CLIC6: variants seen among roughly 807,000 people sequenced by gnomAD.
The protein encoded by CLIC6 is chloride intracellular channel protein 6.
CLIC6 carries 39 observed loss-of-function variants against 49.2 expected under a neutral mutation model. The ratio of observed to expected loss-of-function variants is 0.79; its 90% CI spans 0.61 to 1.04. The LOEUF is 1.04. Among genes scored for constraint, CLIC6 ranks in the 50% least tolerant of loss-of-function variants. The pLI, the probability that CLIC6 is intolerant of heterozygous loss-of-function variation, is 0.00. For missense variants in CLIC6, 988 were observed against 993.1 expected (o/e 0.99, Z 0.07); for synonymous variants, 446 against 433.4 (o/e 1.03, Z -0.36).
chr21:34,690,746 ATTACATGAAG>A (rs1989976914), intron 1 of CLIC6, among the ~76,000 whole-genome samples: 2 of 151,558 alleles, frequency 1.3e-5, no homozygotes, highest in African/African-American at 4.8e-5. Flanking sequence ...TTTATGGACA[ATTACATGAAG>A]CTGATTTCAG....
intron 3 of CLIC6, 21 bp downstream of exon 3, chr21:34,708,090 G>T: frequency 6.2e-7 from 1 of 1,613,836 alleles, no homozygotes; most frequent in Non-Finnish European, 8.5e-7. Context: ...GAAAACCAGT[G>T]TTCATAACTT....
At chr21:34,675,461 T>C (rs1358205524) in intron 1 of CLIC6, among the ~76,000 whole-genome samples, 1 of 152,156 alleles carries the variant, frequency 6.6e-6, no homozygotes, top group Non-Finnish European at 1.5e-5. Context: ...TTCACAACTA[T>C]GTGTTCTGAA....
intron 1 of CLIC6, among the ~76,000 whole-genome samples, chr21:34,689,400 G>T (rs1465473661): frequency 6.6e-6 from 1 of 152,218 alleles, no homozygotes; most frequent in African/African-American, 2.4e-5. Flanking sequence ...TTCCTTTGGG[G>T]ATTGGGAGGT....
At chr21:34,684,901 A>T (rs1007664595) in intron 1 of CLIC6, among the ~76,000 whole-genome samples, 1 of 152,238 alleles carries the variant, frequency 6.6e-6, no homozygotes, top group Admixed American at 6.5e-5. Context: ...AGTGCTGATG[A>T]AGTGGCTGTC....
At position 34,704,451 on chromosome 21, in the gene CLIC6, G is replaced by A. The variant is rs140973094; in HGVS notation, c.1375-2829G>A. ...AGGCAATACTGGATATGTAAATTCTGTTTTATTGGCAGTCACTGCTGCTGG... is the reference window on the plus strand; with the variant it reads ...AGGCAATACTGGATATGTAAATTCTATTTTATTGGCAGTCACTGCTGCTGG... On this transcript the variant is annotated intron_variant, in intron 1 of 5. Transcript: ENST00000349499. Among the ~76,000 whole-genome samples, 99 of 152,310 alleles carry A rather than the reference G, an allele frequency of 6.5e-4. 1 individual carries two copies. Among genetic ancestry groups the A allele is most frequent in the Non-Finnish European group, 1.1e-3 (78 of 68,026 alleles).
chr21:34,699,411 C>G (rs1169031984), intron 1 of CLIC6, among the ~76,000 whole-genome samples: 1 of 136,854 alleles, frequency 7.3e-6, no homozygotes, highest in Non-Finnish European at 1.5e-5. Flanking sequence ...GTCACCATAC[C>G]TGGCTTTTTT....
intron 1 of CLIC6, among the ~76,000 whole-genome samples, chr21:34,700,425 C>G (rs1256235690): frequency 3.5e-5 from 4 of 115,864 alleles, no homozygotes; most frequent in Admixed American, 1.8e-4. Context: ...CCAGCCTGGG[C>G]GACAGAGCGA....
At chr21:34,704,203 A>G (rs1355813259) in intron 1 of CLIC6, among the ~76,000 whole-genome samples, 4 of 152,208 alleles carry the variant, frequency 2.6e-5, no homozygotes, top group Non-Finnish European at 5.9e-5. Context: ...TTGTCGGGCT[A>G]ATGAATATGA....
At chr21:34,711,452 A>T (rs2056055925) in intron 5 of CLIC6, among the ~76,000 whole-genome samples, 1 of 152,072 alleles carries the variant, frequency 6.6e-6, no homozygotes, top group Admixed American at 6.6e-5. Flanking sequence ...GAATCATTTG[A>T]ACCCAGGAGG....
intron 5 of CLIC6, among the ~76,000 whole-genome samples, chr21:34,711,614 T>G (rs1219016890): frequency 6.6e-6 from 1 of 152,182 alleles, no homozygotes; most frequent in Non-Finnish European, 1.5e-5. Flanking sequence ...GAGGCTCCTG[T>G]GGGCTCCCGG....
intron 1 of CLIC6, among the ~76,000 whole-genome samples, chr21:34,684,035 T>C (rs1033524904): frequency 1.3e-5 from 2 of 152,150 alleles, no homozygotes; most frequent in African/African-American, 4.8e-5. Context: ...TCTCTTCTTT[T>C]AATAGTATAT....
intron 5 of CLIC6, among the ~76,000 whole-genome samples, chr21:34,715,775 C>T (rs2056082110): frequency 6.6e-6 from 1 of 152,254 alleles, no homozygotes; most frequent in East Asian, 1.9e-4. Flanking sequence ...TTTGCATCTG[C>T]TTTGTTCATG....
At chr21:34,711,096 C>T (rs1306722098) in intron 5 of CLIC6, among the ~76,000 whole-genome samples, 3 of 152,216 alleles carry the variant, frequency 2.0e-5, no homozygotes, top group Non-Finnish European at 4.4e-5. Context: ...CCATGCCTGG[C>T]TCTGGGGCAT....
chr21:34,706,011 T>C (rs2056011968), intron 1 of CLIC6: 2 of 678,218 alleles, frequency 2.9e-6, no homozygotes, highest in Admixed American at 2.1e-5. Flanking sequence ...TTAACATTCT[T>C]TTCTTTTGTA....
intron 1 of CLIC6, among the ~76,000 whole-genome samples, chr21:34,692,662 A>G (rs1040617670): frequency 1.3e-5 from 2 of 152,250 alleles, no homozygotes; most frequent in Admixed American, 6.5e-5. Flanking sequence ...AGTTTCATAT[A>G]TTGGTCATTG....
At position 34,699,847 on chromosome 21, in the gene CLIC6, G is replaced by T. The variant is rs139435643; in HGVS notation, c.1375-7433G>T. 1.5e-3 allele frequency among the ~76,000 whole-genome samples: 224 copies of T among 152,342 alleles called. 1 individual carries two copies. Among genetic ancestry groups the T allele is most frequent in the African/African-American group, 5.0e-3 (208 of 41,576 alleles). On this transcript the variant is annotated intron_variant, in intron 1 of 5. Coordinates refer to ENST00000349499, the MANE Select transcript of CLIC6 (RefSeq NM_053277.3). ...ACAGGGGCACCCCAGTGGGTCTTCT[G>T]TTCCTGTGGTGAAGTGCATGGGGTT...
At chr21:34,702,171 T>TG (rs1458733046) in intron 1 of CLIC6, among the ~76,000 whole-genome samples, 2 of 152,038 alleles carry the variant, frequency 1.3e-5, no homozygotes, top group African/African-American at 2.4e-5. Flanking sequence ...TGACCGAAGA[T>TG]GGGGGGCTGT....
intron 1 of CLIC6, among the ~76,000 whole-genome samples, chr21:34,687,247 A>AT (rs944756675): frequency 4.6e-5 from 7 of 152,070 alleles, no homozygotes; most frequent in African/African-American, 1.7e-4. Context: ...TGGTGCCTGC[A>AT]TTTTTTCCCT....
At chr21:34,711,563 A>G (rs2056057144) in intron 5 of CLIC6, among the ~76,000 whole-genome samples, 2 of 107,774 alleles carry the variant, frequency 1.9e-5, no homozygotes, top group South Asian at 6.2e-4. Flanking sequence ...AAATAAATAA[A>G]TAAATAAATT....
Sources: gnomAD v4.1 joint callset for allele counts (sites outside exome capture counted in the v4.1 genomes callset) on GRCh38, gnomAD v4.1.1 for gene constraint, MANE v1.5 for transcripts, NCBI Gene and HGNC (gene_info 2026-07-23, HGNC 2026-07-21) for gene names.